The following VRK3 variants were observed in gnomAD, a reference collection of about 807,000 sequenced individuals.
VRK3 encodes serine/threonine-protein kinase VRK3.
Under a neutral mutation model 60.4 loss-of-function variants are expected in VRK3, and 50 were observed. That is an observed-to-expected ratio of 0.83 (90% CI 0.66 to 1.05). VRK3 has a LOEUF of 1.05. Ranked by LOEUF, VRK3 falls within the 50% of genes least tolerant of loss-of-function variation. The probability of loss-of-function intolerance (pLI) is 0.00; values close to 1 mark genes in which losing one functional copy is unlikely to be tolerated. For missense variants in VRK3, 549 were observed against 585.3 expected, an observed-to-expected ratio of 0.94 and a Z score of 0.64; for synonymous variants, 246 against 227.8, an observed-to-expected ratio of 1.08 and a Z score of -0.72.
rs10411020 is a variant in VRK3 at position 49,994,780 on chromosome 19, T to G, written c.870+34A>C. On this transcript the variant is annotated intron_variant, in intron 9 of 14. Coordinates refer to ENST00000316763, the MANE Select transcript of VRK3 (RefSeq NM_016440.4). ...AAACTAGGATGTGATGTGCCCTCCC[T>G]GACGCGGCAGCTGAGCAACTTCTGG... 5.0e-6 allele frequency: 8 copies of G among 1,592,498 alleles called. No homozygotes were observed. In the East Asian group the frequency reaches 1.8e-4, roughly 36 times the overall value.
intron 12 of VRK3, chr19:49,987,687 C>T (rs8111458): frequency 0.018 from 2,730 of 150,528 alleles, 42 homozygotes; most frequent in Middle Eastern, 0.051. Context: ...CATAGTTTCC[C>T]ACACACAATG....
chr19:50,006,077 G>A (rs2076885240), intron 5 of VRK3, among the ~76,000 whole-genome samples: 1 of 143,892 alleles, frequency 6.9e-6, no homozygotes, highest in Non-Finnish European at 1.5e-5. Context: ...CTTGAGGTCA[G>A]CTGTTCGAGA....
intron 10 of VRK3, among the ~76,000 whole-genome samples, chr19:49,990,508 G>A (rs1321072805): frequency 9.2e-5 from 14 of 151,842 alleles, no homozygotes; most frequent in Admixed American, 9.2e-4. Context: ...AGCCTCCCGA[G>A]TAGCTGGGAC....
At position 50,013,550 on chromosome 19, in the gene VRK3, A is replaced by G. The variant is rs570464055; in HGVS notation, c.139+2474T>C. On this transcript the variant is annotated intron_variant, in intron 3 of 14. Transcript: ENST00000316763. ...AATGTCACTTGACTCCCCGCCATGT[A>G]TGCTGACTGCCTTCTGCACAACTGT... Among the ~76,000 whole-genome samples, 12 of 152,358 alleles carry G rather than the reference A, an allele frequency of 7.9e-5. 1 individual carries two copies. In the South Asian group the frequency reaches 2.5e-3, roughly 32 times the overall value.
At chr19:50,023,860 C>G (rs937512031) in intron 1 of VRK3, among the ~76,000 whole-genome samples, 8 of 152,194 alleles carry the variant, frequency 5.3e-5, no homozygotes, top group African/African-American at 1.9e-4. Flanking sequence ...AAAAGACGTG[C>G]CACTTAGAAG....
chr19:49,982,111 G>A (rs1327423499), intron 12 of VRK3: 3 of 702,704 alleles, frequency 4.3e-6, no homozygotes, highest in Admixed American at 4.0e-5. Flanking sequence ...GTGGAAAACT[G>A]CAAACTGCTG....
At chr19:50,017,698 G>T (rs1223217071) in intron 2 of VRK3, among the ~76,000 whole-genome samples, 2 of 151,948 alleles carry the variant, frequency 1.3e-5, no homozygotes, top group East Asian at 1.9e-4. Flanking sequence ...TAGAGATAGG[G>T]TCTCACTCTG....
chr19:50,023,113 C>T (rs1216355586), intron 1 of VRK3, among the ~76,000 whole-genome samples: 1 of 152,238 alleles, frequency 6.6e-6, no homozygotes. Flanking sequence ...TTAACTTCCT[C>T]ATCACATTCT....
intron 6 of VRK3, 193 bp downstream of exon 6, chr19:50,000,597 A>T: frequency 1.6e-6 from 1 of 637,486 alleles, no homozygotes; most frequent in Non-Finnish European, 2.8e-6. Context: ...GGTGGATCCA[A>T]CTGTGGGTTT....
intron 13 of VRK3, 85 bp from the exon 14 acceptor site, chr19:49,979,327 G>A (rs867780447): frequency 3.8e-6 from 6 of 1,594,226 alleles, no homozygotes; most frequent in African/African-American, 1.3e-5. Flanking sequence ...CAAGGATGGA[G>A]GGGTGGGGGA....
chr19:49,981,834 G>A (rs928947915), intron 12 of VRK3: 15 of 1,187,908 alleles, frequency 1.3e-5, no homozygotes, highest in African/African-American at 1.3e-4. Context: ...CAGGGAGCTC[G>A]TGGCTGTGAG....
rs746151221 is a variant in VRK3, at chr19:50,025,339, G to A, written c.-137C>T. 2.6e-5 allele frequency: 4 copies of A among 152,328 alleles called. No individual in the cohort carries two copies. The highest frequency in any genetic ancestry group is 2.6e-4 in the Admixed American group (4 of 15,286). 9.4% of individuals were successfully genotyped at this position (152,328 alleles called of 1,614,324 possible). A position where few individuals can be genotyped will look rare whatever the true frequency, so the allele number is the denominator to read the frequency against. ...CCCTCGGATCCTCCGCAGTTACCCGGACTCACCTTCTCAGTTGCCCAGCGA... is the reference window on the plus strand; with the variant it reads ...CCCTCGGATCCTCCGCAGTTACCCGAACTCACCTTCTCAGTTGCCCAGCGA... On this transcript the variant is annotated 5_prime_UTR_variant, in exon 1 of 15. Transcript: ENST00000316763.
rs193142471 is a variant in VRK3 at position 50,004,687 on chromosome 19, C to A, written c.547+2882G>T. Among the ~76,000 whole-genome samples the A allele has an allele frequency of 5.3e-4, 80 of 151,970 alleles. 1 individual carries two copies. Among genetic ancestry groups the A allele is most frequent in the Admixed American group, 5.2e-3 (80 of 15,264 alleles). On this transcript the variant is annotated intron_variant, in intron 5 of 14. Transcript: ENST00000316763. Reference sequence around the variant, plus strand: ...CTTTAGGAGGCTGAGGCGGGAGGATCGCTTGAGCCCAGGAGTTTGGGACCA... The same window carrying A: ...CTTTAGGAGGCTGAGGCGGGAGGATAGCTTGAGCCCAGGAGTTTGGGACCA...
chr19:50,024,374 T>C (rs1174285650), intron 1 of VRK3, among the ~76,000 whole-genome samples: 1 of 152,254 alleles, frequency 6.6e-6, no homozygotes, highest in African/African-American at 2.4e-5. Flanking sequence ...GAGTGGGTAT[T>C]GCCAGCAAAC....
chr19:49,976,859 G>A (rs2076338775), intron 14 of VRK3, 75 bp from the exon 15 acceptor site: 1 of 152,158 alleles, frequency 6.6e-6, no homozygotes, highest in Admixed American at 6.5e-5. Context: ...TTCATGCCAA[G>A]CACCTTCTAG....
chr19:50,017,512 T>G (rs2077097420), intron 2 of VRK3, among the ~76,000 whole-genome samples: 2 of 137,994 alleles, frequency 1.4e-5, no homozygotes, highest in South Asian at 2.2e-4. Context: ...AGGCAGAGGT[T>G]GTGGTGAGCC....
intron 9 of VRK3, 103 bp from the exon 10 acceptor site, chr19:49,993,055 T>C (rs907758364): frequency 1.9e-6 from 2 of 1,037,978 alleles, no homozygotes; most frequent in African/African-American, 1.6e-5. Context: ...CCTGGGGTTG[T>C]CCGACACTGT....
In VRK3 at chr19:49,994,810, G is replaced by A. The variant is rs746321001; in HGVS notation, c.870+4C>T. 3.2e-5 allele frequency: 52 copies of A among 1,611,914 alleles called. No individual in the cohort carries two copies. The highest frequency in any genetic ancestry group is 4.1e-5 in the Non-Finnish European group (48 of 1,178,826). ...CGGCAGCTGAGCAACTTCTGGGTAC[G>A]CACCAGCCGGCAGGCCACCTGCAGC... is the stretch of plus-strand genomic sequence containing the variant. On this transcript the variant is annotated splice_donor_region_variant and intron_variant, in intron 9 of 14. Transcript: ENST00000316763.
At chr19:50,006,152 T>A (rs1461408002) in intron 5 of VRK3, among the ~76,000 whole-genome samples, 1 of 149,972 alleles carries the variant, frequency 6.7e-6, no homozygotes, top group Non-Finnish European at 1.5e-5. Flanking sequence ...AATAAAAAAA[T>A]AAAAAAATTT....
Sources: allele counts gnomAD v4.1 joint callset (sites outside exome capture counted in the v4.1 genomes callset), GRCh38; gene constraint gnomAD v4.1.1; transcripts MANE v1.5; gene names NCBI Gene and HGNC (gene_info 2026-07-23, HGNC 2026-07-21).